Variants in TXNRD1 observed in about 807,000 individuals in gnomAD.
The protein encoded by TXNRD1 is thioredoxin reductase 1, cytoplasmic.
A neutral mutation model predicts 80.3 loss-of-function variants in TXNRD1; 57 were observed. That is an observed-to-expected ratio of 0.71 (90% CI 0.57 to 0.89). TXNRD1 has a LOEUF of 0.89. Among genes scored for constraint, TXNRD1 ranks in the 40% least tolerant of loss-of-function variants. The pLI is 0.00. For missense variants in TXNRD1, 730 were observed against 803.0 expected, an observed-to-expected ratio of 0.91 and a Z score of 1.10; for synonymous variants, 291 against 285.2, an observed-to-expected ratio of 1.02 and a Z score of -0.20.
chr12:104,278,501 A>ATTTAT (rs2033808674), intron 3 of TXNRD1, among the ~76,000 whole-genome samples: 1 of 105,134 alleles, frequency 9.5e-6, no homozygotes, highest in African/African-American at 3.9e-5. Flanking sequence ...GCCCAGCCTA[A>ATTTAT]TTTTTTTTTT....
At chr12:104,264,402 A>G (rs1319587328) in intron 3 of TXNRD1, among the ~76,000 whole-genome samples, 4 of 152,224 alleles carry the variant, frequency 2.6e-5, no homozygotes, top group Non-Finnish European at 5.9e-5. Context: ...TAAGAGTTGA[A>G]AAGTAAAGAG....
chr12:104,347,953 G>A (rs899885047), intron 16 of TXNRD1, among the ~76,000 whole-genome samples: 3 of 152,084 alleles, frequency 2.0e-5, no homozygotes, highest in Admixed American at 6.5e-5. Context: ...AGACCAACTC[G>A]GTGGAGGGAA....
At chr12:104,290,127 A>T (rs1255197158) in intron 4 of TXNRD1, among the ~76,000 whole-genome samples, 1 of 152,218 alleles carries the variant, frequency 6.6e-6, no homozygotes, top group Non-Finnish European at 1.5e-5. Context: ...TTAGAAGTAA[A>T]CCTAACGCCT....
intron 3 of TXNRD1, chr12:104,287,088 T>A (rs1017733484): frequency 2.1e-6 from 3 of 1,439,878 alleles, no homozygotes; most frequent in East Asian, 2.5e-5. Context: ...GGGCCTGATG[T>A]CTTCATCATT....
intron 9 of TXNRD1, 118 bp from the exon 10 acceptor site, chr12:104,320,973 T>A: frequency 1.4e-6 from 1 of 735,628 alleles, no homozygotes; most frequent in Non-Finnish European, 2.3e-6. Context: ...GCTAGTAGAA[T>A]GTTTATCATC....
At chr12:104,269,651 T>A (rs1206105632) in intron 3 of TXNRD1, among the ~76,000 whole-genome samples, 1 of 152,050 alleles carries the variant, frequency 6.6e-6, no homozygotes, top group Non-Finnish European at 1.5e-5. Flanking sequence ...CACAGTAACC[T>A]CTGCCTCCCA....
chr12:104,261,443 G>A (rs1055654218), intron 3 of TXNRD1, among the ~76,000 whole-genome samples: 3 of 152,138 alleles, frequency 2.0e-5, no homozygotes, highest in Admixed American at 6.6e-5. Context: ...GATTACAGGC[G>A]TGAGCCACCA....
intron 1 of TXNRD1, among the ~76,000 whole-genome samples, chr12:104,228,177 C>T (rs2032519611): frequency 6.6e-6 from 1 of 151,650 alleles, no homozygotes; most frequent in South Asian, 2.1e-4. Flanking sequence ...TGTTGCATGC[C>T]TGTAATCCCA....
At chr12:104,324,794 C>G (rs1016495426) in intron 10 of TXNRD1, among the ~76,000 whole-genome samples, 1 of 152,316 alleles carries the variant, frequency 6.6e-6, no homozygotes, top group South Asian at 2.1e-4. Context: ...CAACTGAAAA[C>G]ACCCCCTGGT....
rs566150289 is a variant in TXNRD1 at position 104,233,678 on chromosome 12, C to T, written c.91+17785C>T. On this transcript the variant is annotated intron_variant, in intron 1 of 16. Coordinates refer to ENST00000525566, the MANE Select transcript of TXNRD1 (RefSeq NM_001093771.3). ...CTGGGATTACAGGTGCCAGCCACTA[C>T]GCCTGGCTAATTTTCGTATTTTTAG... 1.1e-4 allele frequency among the ~76,000 whole-genome samples: 17 copies of T among 152,224 alleles called. No individual in the cohort carries two copies. The East Asian group carries it at 2.7e-3, about 24-fold the overall frequency.
chr12:104,229,102 C>T (rs1443297897), intron 1 of TXNRD1, among the ~76,000 whole-genome samples: 1 of 150,818 alleles, frequency 6.6e-6, no homozygotes, highest in Non-Finnish European at 1.5e-5. Flanking sequence ...TGCTAGCCTA[C>T]TTTCTGTCTC....
chr12:104,229,311 C>T (rs1423069526), intron 1 of TXNRD1, among the ~76,000 whole-genome samples: 1 of 151,646 alleles, frequency 6.6e-6, no homozygotes, highest in East Asian at 1.9e-4. Flanking sequence ...CCATGTCTGG[C>T]TAATTTTTGT....
intron 3 of TXNRD1, among the ~76,000 whole-genome samples, chr12:104,273,689 G>A (rs1046952760): frequency 6.6e-6 from 1 of 152,212 alleles, no homozygotes; most frequent in South Asian, 2.1e-4. Context: ...GTACCGCCCC[G>A]ACCTGCGCGT....
chr12:104,319,810 CAG>C (rs1480707231), intron 9 of TXNRD1, among the ~76,000 whole-genome samples: 1 of 152,210 alleles, frequency 6.6e-6, no homozygotes, highest in Non-Finnish European at 1.5e-5. Context: ...TCTTGCTACA[CAG>C]AGTATCACTA....
chr12:104,311,848 G>A (rs953908306), intron 5 of TXNRD1, among the ~76,000 whole-genome samples: 39 of 152,206 alleles, frequency 2.6e-4, no homozygotes, highest in Non-Finnish European at 4.3e-4. Context: ...AGGCGTGGTG[G>A]TGGGCACCTG....
At chr12:104,285,041 G>A (rs1447234262) in intron 3 of TXNRD1, among the ~76,000 whole-genome samples, 1 of 152,064 alleles carries the variant, frequency 6.6e-6, no homozygotes, top group Non-Finnish European at 1.5e-5. Flanking sequence ...CAGGTGTGGT[G>A]GTGCATGCCT....
At chr12:104,283,645 C>T (rs918194377) in intron 3 of TXNRD1, among the ~76,000 whole-genome samples, 26 of 151,878 alleles carry the variant, frequency 1.7e-4, no homozygotes, top group Non-Finnish European at 3.5e-4. Context: ...CCGAGGCAGG[C>T]GGATCACCTG....
chr12:104,215,965 T>C (rs762767657), intron 1 of TXNRD1, 72 bp downstream of exon 1: 111 of 1,333,080 alleles, frequency 8.3e-5, no homozygotes, highest in Non-Finnish European at 1.0e-4. Context: ...GGGTTGGGGA[T>C]AAAGTGCCCC....
At chr12:104,223,303 A>G (rs370737308) in intron 1 of TXNRD1, among the ~76,000 whole-genome samples, 70 of 152,316 alleles carry the variant, frequency 4.6e-4, no homozygotes, top group African/African-American at 1.6e-3. Context: ...CACTCTATAT[A>G]GGGTCAATGT....
Sources: gnomAD v4.1 joint callset for allele counts (sites outside exome capture counted in the v4.1 genomes callset) on GRCh38, gnomAD v4.1.1 for gene constraint, MANE v1.5 for transcripts, NCBI Gene and HGNC (gene_info 2026-07-23, HGNC 2026-07-21) for gene names.